The following EFNA5 variants were observed in gnomAD, a reference collection of about 807,000 sequenced individuals.
EFNA5 encodes the protein ephrin-A5.
Under a neutral mutation model 22.9 loss-of-function variants are expected in EFNA5, and 5 were observed. The ratio of observed to expected loss-of-function variants is 0.22; its 90% CI spans 0.11 to 0.46. The LOEUF is 0.46. Ranked by LOEUF, EFNA5 falls within the 20% of genes least tolerant of loss-of-function variation. The probability of loss-of-function intolerance (pLI) is 0.99; values close to 1 mark genes in which losing one functional copy is unlikely to be tolerated. For missense variants in EFNA5, 237 were observed against 293.3 expected (o/e 0.81, Z 1.40); for synonymous variants, 113 against 112.2 (o/e 1.01, Z -0.04).
intron 1 of EFNA5, among the ~76,000 whole-genome samples, chr5:107,621,385 G>A (rs1750033999): frequency 6.6e-6 from 1 of 152,128 alleles, no homozygotes; most frequent in Admixed American, 6.5e-5. Context: ...TTCACAGTAG[G>A]GATGGGTACC....
At chr5:107,612,754 T>C (rs1418987889) in intron 1 of EFNA5, among the ~76,000 whole-genome samples, 12 of 152,242 alleles carry the variant, frequency 7.9e-5, no homozygotes, top group African/African-American at 2.9e-4. Flanking sequence ...AGTCACTGTA[T>C]TAATACAGGG....
intron 1 of EFNA5, among the ~76,000 whole-genome samples, chr5:107,629,873 A>G (rs1750212484): frequency 6.6e-6 from 1 of 152,040 alleles, no homozygotes; most frequent in South Asian, 2.1e-4. Context: ...CCTGGCCAAC[A>G]TGGTGATACC....
At chr5:107,528,829 G>T (rs1747751932) in intron 1 of EFNA5, among the ~76,000 whole-genome samples, 1 of 152,128 alleles carries the variant, frequency 6.6e-6, no homozygotes, top group South Asian at 2.1e-4. Flanking sequence ...TGACTGATAG[G>T]TATATAGATA....
chr5:107,538,495 G>C (rs1747972758), intron 1 of EFNA5, among the ~76,000 whole-genome samples: 1 of 152,182 alleles, frequency 6.6e-6, no homozygotes, highest in Non-Finnish European at 1.5e-5. Context: ...AATGGTCTGA[G>C]CAGTAAGTAC....
chr5:107,485,116 G>A (rs2112405591), intron 1 of EFNA5, among the ~76,000 whole-genome samples: 1 of 152,140 alleles, frequency 6.6e-6, no homozygotes, highest in African/African-American at 2.4e-5. Context: ...AATCTAAGAG[G>A]AGGGTTTGAA....
chr5:107,666,224 G>A (rs1456118472), intron 1 of EFNA5, among the ~76,000 whole-genome samples: 1 of 151,862 alleles, frequency 6.6e-6, no homozygotes, highest in East Asian at 1.9e-4. Flanking sequence ...CCGGCATACT[G>A]GTATACATAT....
intron 1 of EFNA5, among the ~76,000 whole-genome samples, chr5:107,455,419 T>C (rs1384521073): frequency 6.6e-6 from 1 of 152,066 alleles, no homozygotes; most frequent in Non-Finnish European, 1.5e-5. Flanking sequence ...TAGAAAAAAA[T>C]GCACATTAAA....
intron 1 of EFNA5, among the ~76,000 whole-genome samples, chr5:107,585,823 G>C (rs143958298): frequency 6.6e-5 from 10 of 152,306 alleles, no homozygotes; most frequent in African/African-American, 2.4e-4. Flanking sequence ...TAGAAGTTAA[G>C]TTACATAAGA....
intron 1 of EFNA5, among the ~76,000 whole-genome samples, chr5:107,609,111 A>C (rs981462187): frequency 3.3e-5 from 5 of 152,000 alleles, no homozygotes; most frequent in African/African-American, 1.2e-4. Flanking sequence ...ATCTCAAATC[A>C]TCAAGTGGCT....
chr5:107,583,364 T>C (rs1176903865), intron 1 of EFNA5, among the ~76,000 whole-genome samples: 1 of 152,146 alleles, frequency 6.6e-6, no homozygotes, highest in East Asian at 1.9e-4. Flanking sequence ...AAAGAAAATA[T>C]GAAAATATCA....
intron 2 of EFNA5, among the ~76,000 whole-genome samples, chr5:107,407,846 C>T (rs1254081155): frequency 6.6e-6 from 1 of 152,056 alleles, no homozygotes; most frequent in African/African-American, 2.4e-5. Flanking sequence ...TGCATCTTTG[C>T]CTCTGACATA....
chr5:107,397,570 A>G (rs540088829), intron 2 of EFNA5, among the ~76,000 whole-genome samples: 1 of 151,978 alleles, frequency 6.6e-6, no homozygotes, highest in South Asian at 2.1e-4. Context: ...GGTGGGGGTA[A>G]TTATCTATTT....
At chr5:107,514,979 G>A (rs563997633) in intron 1 of EFNA5, among the ~76,000 whole-genome samples, 10 of 152,192 alleles carry the variant, frequency 6.6e-5, no homozygotes, top group Non-Finnish European at 1.5e-4. Context: ...GAGCTTGCAT[G>A]GGTGAATGCC....
chr5:107,535,125 T>C (rs1246550280), intron 1 of EFNA5, among the ~76,000 whole-genome samples: 1 of 152,106 alleles, frequency 6.6e-6, no homozygotes, highest in Non-Finnish European at 1.5e-5. Flanking sequence ...ATAACCTGTA[T>C]TGTAAAGAGA....
intron 1 of EFNA5, among the ~76,000 whole-genome samples, chr5:107,625,308 C>T (rs187351751): frequency 2.0e-5 from 3 of 152,054 alleles, no homozygotes; most frequent in Non-Finnish European, 4.4e-5. Context: ...ATTGTCTATG[C>T]ATTCTTATAT....
At chr5:107,571,954 G>A (rs1748817129) in intron 1 of EFNA5, among the ~76,000 whole-genome samples, 1 of 152,012 alleles carries the variant, frequency 6.6e-6, no homozygotes, top group Non-Finnish European at 1.5e-5. Flanking sequence ...CTAAGTAAAA[G>A]GTGACCAGAC....
At chr5:107,396,688 CTTG>C (rs1310601670) in intron 2 of EFNA5, among the ~76,000 whole-genome samples, 1 of 148,150 alleles carries the variant, frequency 6.7e-6, no homozygotes, top group Non-Finnish European at 1.5e-5. Flanking sequence ...CATAGTTTGA[CTTG>C]TTATTTTGTG....
intron 1 of EFNA5, among the ~76,000 whole-genome samples, chr5:107,565,592 C>G (rs978404706): frequency 1.3e-5 from 2 of 152,128 alleles, no homozygotes; most frequent in African/African-American, 4.8e-5. Flanking sequence ...TGCTGTTTAT[C>G]TAATATATAT....
At chr5:107,398,367 C>T (rs550802492) in intron 2 of EFNA5, among the ~76,000 whole-genome samples, 2 of 152,100 alleles carry the variant, frequency 1.3e-5, no homozygotes, top group Non-Finnish European at 2.9e-5. Flanking sequence ...TAGCACTTAA[C>T]CCATTCTGTT....
Sources: allele counts gnomAD v4.1 joint callset (sites outside exome capture counted in the v4.1 genomes callset), GRCh38; gene constraint gnomAD v4.1.1; transcripts MANE v1.5; gene names NCBI Gene and HGNC (gene_info 2026-07-23, HGNC 2026-07-21).